Variants in SORCS3 observed in about 807,000 individuals in gnomAD.
SORCS3 encodes the protein sortilin related VPS10 domain containing receptor 3.
In SORCS3, 57 loss-of-function variants were observed where a neutral mutation model predicts 146.3. The ratio of observed to expected loss-of-function variants is 0.39; its 90% CI spans 0.31 to 0.49. The LOEUF is 0.49. Ranked by LOEUF, SORCS3 falls within the 20% of genes least tolerant of loss-of-function variation. The pLI is 0.92. For missense variants in SORCS3, 1,341 were observed against 1,575.5 expected (o/e 0.85, Z 2.52); for synonymous variants, 653 against 618.5 (o/e 1.06, Z -0.83).
At chr10:104,696,619 T>A (rs36162248) in intron 1 of SORCS3, among the ~76,000 whole-genome samples, 2,085 of 65,996 alleles carry the variant, frequency 0.032, 6 homozygotes, top group Non-Finnish European at 0.048. Flanking sequence ...ATAATATATA[T>A]TATATACGTA....
chr10:104,688,224 G>A (rs542612141), intron 1 of SORCS3, among the ~76,000 whole-genome samples: 27 of 152,348 alleles, frequency 1.8e-4, no homozygotes, highest in African/African-American at 6.3e-4. Flanking sequence ...GAGGTCTCCA[G>A]TGAAGCAGGG....
At chr10:105,005,637 C>T (rs1280558277) in intron 4 of SORCS3, among the ~76,000 whole-genome samples, 1 of 152,128 alleles carries the variant, frequency 6.6e-6, no homozygotes, top group Non-Finnish European at 1.5e-5. Context: ...AGAAGACTTT[C>T]ATGGTTCTGT....
At chr10:104,839,912 A>G (rs1017993358) in intron 1 of SORCS3, among the ~76,000 whole-genome samples, 6 of 152,314 alleles carry the variant, frequency 3.9e-5, no homozygotes, top group African/African-American at 1.4e-4. Context: ...GAAGACAGGC[A>G]GGTAGGCTGG....
chr10:104,762,555 G>C (rs572036334), intron 1 of SORCS3, among the ~76,000 whole-genome samples: 1 of 152,238 alleles, frequency 6.6e-6, no homozygotes, highest in South Asian at 2.1e-4. Flanking sequence ...TGGTGATATG[G>C]TTTGGCTCTG....
At chr10:104,725,849 A>G (rs1399917652) in intron 1 of SORCS3, among the ~76,000 whole-genome samples, 8 of 152,296 alleles carry the variant, frequency 5.3e-5, no homozygotes, top group African/African-American at 1.9e-4. Context: ...GGTGGGAGTG[A>G]CCCGGTTTTC....
At position 105,200,096 on chromosome 10, in the gene SORCS3, A is replaced by T; in HGVS notation, c.2107A>T (p.Thr703Ser). 6.2e-7 allele frequency: 1 copy of T among 1,613,330 alleles called. No individual in the cohort carries two copies. The highest frequency in any genetic ancestry group is 2.2e-5 in the East Asian group (1 of 44,848). The part of the protein sequence containing the change: ...SRHCTKEDYQ[T>S]WHLLNQGEPC... The stretch of plus-strand genomic sequence containing the variant: ...GCATTGCACCAAGGAGGACTATCAG[A>T]CCTGGCACCTGCTCAATCAGGTACA... The change falls in exon 15 of 27, where the codon ACC becomes TCC. Residue 703 changes from threonine to serine, a missense_variant. Coordinates refer to ENST00000369701, the MANE Select transcript of SORCS3 (RefSeq NM_014978.3).
At chr10:104,728,144 C>T (rs1436511315) in intron 1 of SORCS3, among the ~76,000 whole-genome samples, 3 of 151,548 alleles carry the variant, frequency 2.0e-5, no homozygotes, top group Non-Finnish European at 4.4e-5. Context: ...TTAACCAATC[C>T]ACCATTGTTG....
At chr10:104,929,065 T>A (rs1343496194) in intron 3 of SORCS3, among the ~76,000 whole-genome samples, 1 of 152,074 alleles carries the variant, frequency 6.6e-6, no homozygotes, top group Non-Finnish European at 1.5e-5. Flanking sequence ...ATTCCTGGTT[T>A]CCCCCAGGGC....
At chr10:104,939,217 C>G (rs1251559149) in intron 3 of SORCS3, among the ~76,000 whole-genome samples, 1 of 152,174 alleles carries the variant, frequency 6.6e-6, no homozygotes, top group African/African-American at 2.4e-5. Flanking sequence ...TGATTACTCC[C>G]TTTTTGATGC....
At chr10:104,719,934 G>A (rs1259528541) in intron 1 of SORCS3, among the ~76,000 whole-genome samples, 1 of 151,944 alleles carries the variant, frequency 6.6e-6, no homozygotes, top group Non-Finnish European at 1.5e-5. Context: ...GTAAGTCCAT[G>A]TTAGAAAGCT....
At chr10:104,721,058 A>G (rs1181148580) in intron 1 of SORCS3, among the ~76,000 whole-genome samples, 2 of 152,178 alleles carry the variant, frequency 1.3e-5, no homozygotes, top group African/African-American at 4.8e-5. Context: ...GCTCATGCCT[A>G]TGTCCTGAAT....
At chr10:104,680,805 G>A (rs551762877) in intron 1 of SORCS3, among the ~76,000 whole-genome samples, 1 of 152,360 alleles carries the variant, frequency 6.6e-6, no homozygotes, top group Non-Finnish European at 1.5e-5. Flanking sequence ...TAGGAAGCAG[G>A]CAAGCTGCAG....
intron 7 of SORCS3, among the ~76,000 whole-genome samples, chr10:105,132,477 T>C (rs1045988156): frequency 2.0e-5 from 3 of 152,188 alleles, no homozygotes; most frequent in African/African-American, 2.4e-5. Flanking sequence ...GTGACAGAAA[T>C]AGGCTCAACT....
At chr10:104,729,981 C>T (rs912956169) in intron 1 of SORCS3, among the ~76,000 whole-genome samples, 1 of 152,164 alleles carries the variant, frequency 6.6e-6, no homozygotes, top group African/African-American at 2.4e-5. Flanking sequence ...ATCAAGTTTT[C>T]TGAGAATTAT....
At chr10:105,038,521 G>A (rs2055319914) in intron 4 of SORCS3, among the ~76,000 whole-genome samples, 1 of 152,046 alleles carries the variant, frequency 6.6e-6, no homozygotes, top group African/African-American at 2.4e-5. Flanking sequence ...TATACACATG[G>A]TAATTAGAAA....
At chr10:105,137,234 G>A (rs2056064912) in intron 7 of SORCS3, among the ~76,000 whole-genome samples, 1 of 152,134 alleles carries the variant, frequency 6.6e-6, no homozygotes, top group African/African-American at 2.4e-5. Context: ...ATGCTGGTCT[G>A]CTTTCCCATG....
At chr10:104,797,229 G>C (rs1328528457) in intron 1 of SORCS3, among the ~76,000 whole-genome samples, 1 of 152,158 alleles carries the variant, frequency 6.6e-6, no homozygotes, top group Non-Finnish European at 1.5e-5. Flanking sequence ...TGACAGAAAA[G>C]AATAATTAGC....
intron 4 of SORCS3, among the ~76,000 whole-genome samples, chr10:105,037,757 A>G (rs790753): frequency 0.34 from 51,940 of 152,078 alleles, 11,114 homozygotes; most frequent in African/African-American, 0.61. Context: ...CTGAGATGCT[A>G]GAGGCTGGGA....
chr10:105,214,379 C>T, intron 17 of SORCS3, 63 bp from the exon 18 acceptor site: 1 of 1,568,536 alleles, frequency 6.4e-7, no homozygotes, highest in Non-Finnish European at 8.8e-7. Flanking sequence ...CACACACACA[C>T]ACATACAACA....
Sources: allele counts gnomAD v4.1 joint callset (sites outside exome capture counted in the v4.1 genomes callset), GRCh38; gene constraint gnomAD v4.1.1; transcripts MANE v1.5; gene names NCBI Gene and HGNC (gene_info 2026-07-23, HGNC 2026-07-21).